The following SAMSN1 variants were observed in gnomAD, a reference collection of about 807,000 sequenced individuals.
SAMSN1 encodes SAM domain, SH3 domain and nuclear localization signals 1, also known as SAM domain-containing protein SAMSN-1.
SAMSN1 carries 31 observed loss-of-function variants against 42.0 expected under a neutral mutation model. The ratio of observed to expected loss-of-function variants is 0.74; its 90% CI spans 0.55 to 1.00. SAMSN1 has a LOEUF of 1.00. SAMSN1 is among the 50% of genes least tolerant of loss of function. SAMSN1 has a pLI of 0.00. For synonymous variants in SAMSN1, 178 were observed against 151.9 expected, an observed-to-expected ratio of 1.17 and a Z score of -1.26; for missense variants, 464 against 439.4, an observed-to-expected ratio of 1.06 and a Z score of -0.50.
At chr21:14,533,918 C>T (rs1979428537) in intron 1 of SAMSN1, among the ~76,000 whole-genome samples, 1 of 152,186 alleles carries the variant, frequency 6.6e-6, no homozygotes, top group Admixed American at 6.5e-5. Flanking sequence ...GAAGTCTGTC[C>T]AGCCAAAAGG....
At chr21:14,635,546 A>C (rs1030635253) in intron 2 of SAMSN1, among the ~76,000 whole-genome samples, 1 of 152,140 alleles carries the variant, frequency 6.6e-6, no homozygotes, top group Non-Finnish European at 1.5e-5. Context: ...ATCAACAGTA[A>C]ATCCTGTTGC....
intron 5 of SAMSN1, among the ~76,000 whole-genome samples, chr21:14,604,615 G>T (rs1982518230): frequency 6.6e-6 from 1 of 152,184 alleles, no homozygotes; most frequent in Non-Finnish European, 1.5e-5. Flanking sequence ...GGGTTCTTGG[G>T]ATGTTCATTC....
intron 1 of SAMSN1, among the ~76,000 whole-genome samples, chr21:14,544,203 A>G (rs1980235537): frequency 1.3e-5 from 2 of 152,146 alleles, no homozygotes; most frequent in Admixed American, 1.3e-4. Flanking sequence ...TGCACGTGCC[A>G]CCATGCCCAG....
chr21:14,613,044 G>T, intron 3 of SAMSN1: 1 of 492,842 alleles, frequency 2.0e-6, no homozygotes, highest in East Asian at 3.1e-5. Flanking sequence ...GTCTACCTAT[G>T]GTCTTGAATT....
intron 2 of SAMSN1, among the ~76,000 whole-genome samples, chr21:14,636,189 T>C (rs1251038825): frequency 2.6e-5 from 4 of 152,198 alleles, no homozygotes; most frequent in Non-Finnish European, 5.9e-5. Context: ...AAAATGTAAG[T>C]CTATTCACCC....
At chr21:14,636,253 G>A (rs1048428393) in intron 2 of SAMSN1, among the ~76,000 whole-genome samples, 3 of 152,144 alleles carry the variant, frequency 2.0e-5, no homozygotes, top group Admixed American at 6.5e-5. Flanking sequence ...TTTAGCACAT[G>A]TATTATAAGG....
Position 14,635,959 on chromosome 21 carries a change from C to A in SAMSN1, c.156+7043G>T, listed in dbSNP as rs548871965. The stretch of plus-strand genomic sequence containing the variant: ...ATTTCTCCTAATGCTATCCCTCCCC[C>A]AGTCCCCCACCCCACAACAGGCCCT... On this transcript the variant is annotated intron_variant, in intron 2 of 15. Transcript: ENST00000647101. Among the ~76,000 whole-genome samples the A allele has an allele frequency of 2.6e-5, 4 of 152,222 alleles. No individual in the cohort carries two copies. In the South Asian group the frequency reaches 6.2e-4, roughly 24 times the overall value.
chr21:14,571,468 T>C (rs1981298224), intron 2 of SAMSN1, among the ~76,000 whole-genome samples: 1 of 152,172 alleles, frequency 6.6e-6, no homozygotes, highest in South Asian at 2.1e-4. Flanking sequence ...TGCATAAAGA[T>C]CTTACACTGA....
chr21:14,581,317 A>G lies in SAMSN1; in HGVS notation c.261+819T>C, dbSNP rs76537480. ...AACTTTTTGTGCCTCCATTTTCTCA[A>G]CTGTAAAATGAGGGGAAATAATATT... On this transcript the variant is annotated intron_variant, in intron 2 of 8. Coordinates refer to the SAMSN1 transcript ENST00000285670. Among the ~76,000 whole-genome samples the G allele has an allele frequency of 3.3e-3, 439 of 134,996 alleles. 2 individuals are homozygous for G. Among genetic ancestry groups the G allele is most frequent in the African/African-American group, 0.011 (415 of 36,452 alleles). 88.6% of individuals were successfully genotyped at this position (134,996 alleles called of 152,430 possible).
intron 5 of SAMSN1, among the ~76,000 whole-genome samples, chr21:14,507,804 A>G (rs1190840361): frequency 4.6e-5 from 7 of 151,858 alleles, no homozygotes; most frequent in African/African-American, 1.5e-4. Flanking sequence ...AAACTATACT[A>G]TAGGCTATAG....
chr21:14,633,736 G>T (rs1983389569), intron 2 of SAMSN1, among the ~76,000 whole-genome samples: 1 of 152,130 alleles, frequency 6.6e-6, no homozygotes, highest in African/African-American at 2.4e-5. Context: ...ACTCCCTAAT[G>T]GTCAATAGCG....
chr21:14,562,856 A>G (rs1056569343), intron 2 of SAMSN1, among the ~76,000 whole-genome samples: 2 of 152,148 alleles, frequency 1.3e-5, no homozygotes, highest in Non-Finnish European at 2.9e-5. Flanking sequence ...ATTTCTTCCA[A>G]TGTAATGAAC....
At chr21:14,527,293 G>T (rs961940863) in intron 1 of SAMSN1, among the ~76,000 whole-genome samples, 3 of 152,104 alleles carry the variant, frequency 2.0e-5, no homozygotes, top group African/African-American at 7.2e-5. Context: ...ACTAACTCGG[G>T]TACTCAGATC....
Position 14,498,601 on chromosome 21 carries a change from C to A in SAMSN1, c.769-9G>T, listed in dbSNP as rs777799242. 15 of 1,546,174 alleles carry A rather than the reference C, an allele frequency of 9.7e-6. No homozygotes were observed. The highest frequency in any genetic ancestry group is 1.7e-4 in the Middle Eastern group (1 of 5,738). Reference sequence around the variant, plus strand: ...AGTGTTGAGGTGTATTCCTGTAAGACAAAAAATATAAAGCAAATTAGTCAG... The same window carrying A: ...AGTGTTGAGGTGTATTCCTGTAAGAAAAAAAATATAAAGCAAATTAGTCAG... On this transcript the variant is annotated splice_polypyrimidine_tract_variant and intron_variant, in intron 6 of 7. Coordinates refer to ENST00000400566, the MANE Select transcript of SAMSN1 (RefSeq NM_022136.5).
intron 7 of SAMSN1, among the ~76,000 whole-genome samples, chr21:14,590,418 C>A (rs997014050): frequency 2.6e-5 from 4 of 152,072 alleles, no homozygotes; most frequent in African/African-American, 9.7e-5. Flanking sequence ...CCTGGGACTA[C>A]AGGCACGCAC....
chr21:14,577,992 A>T (rs1981562320), intron 2 of SAMSN1, among the ~76,000 whole-genome samples: 1 of 152,188 alleles, frequency 6.6e-6, no homozygotes, highest in South Asian at 2.1e-4. Context: ...CCCTTGACAA[A>T]TAATACATTT....
chr21:14,516,536 C>T (rs13046549), intron 3 of SAMSN1, among the ~76,000 whole-genome samples: 43,343 of 152,026 alleles, frequency 0.29, 6,922 homozygotes, highest in Non-Finnish European at 0.35. Context: ...GGACTACAGG[C>T]GTGCACCACC....
intron 2 of SAMSN1, among the ~76,000 whole-genome samples, chr21:14,558,563 C>T (rs1261784994): frequency 6.6e-6 from 1 of 151,988 alleles, no homozygotes; most frequent in Non-Finnish European, 1.5e-5. Flanking sequence ...TGCCTGTAGT[C>T]CCAGCTACTC....
At chr21:14,628,848 T>C (rs892603202) in intron 2 of SAMSN1, among the ~76,000 whole-genome samples, 1 of 152,220 alleles carries the variant, frequency 6.6e-6, no homozygotes, top group Non-Finnish European at 1.5e-5. Flanking sequence ...TTCTAAATGC[T>C]TTTTGTGTAG....
Sources: gnomAD v4.1 joint callset for allele counts (sites outside exome capture counted in the v4.1 genomes callset) on GRCh38, gnomAD v4.1.1 for gene constraint, MANE v1.5 for transcripts, NCBI Gene and HGNC (gene_info 2026-07-23, HGNC 2026-07-21) for gene names.